MCTP1: variants seen among roughly 807,000 people sequenced by gnomAD.
The protein encoded by MCTP1 is multiple C2 and transmembrane domain containing 1, also known as multiple C2 and transmembrane domain-containing protein 1.
Under a neutral mutation model 120.6 loss-of-function variants are expected in MCTP1, and 69 were observed. The ratio of observed to expected loss-of-function variants is 0.57; its 90% CI spans 0.47 to 0.70. The LOEUF (loss-of-function observed/expected upper bound fraction) is 0.70, where lower values mean the gene tolerates loss of function less well. MCTP1 is among the 30% of genes least tolerant of loss of function. MCTP1 has a pLI of 0.00. For synonymous variants in MCTP1, 529 were observed against 493.1 expected (o/e 1.07, Z -0.96); for missense variants, 1,203 against 1,248.8 (o/e 0.96, Z 0.55).
chr5:94,972,156 A>C (rs190364020), intron 2 of MCTP1, among the ~76,000 whole-genome samples: 1 of 152,054 alleles, frequency 6.6e-6, no homozygotes, highest in Non-Finnish European at 1.5e-5. Context: ...CTTGGACTAC[A>C]TTTCAGTCCA....
At chr5:94,737,092 G>A (rs1561548845) in intron 19 of MCTP1, among the ~76,000 whole-genome samples, 1 of 152,138 alleles carries the variant, frequency 6.6e-6, no homozygotes, top group Admixed American at 6.5e-5. Context: ...GGGCTGAAGC[G>A]AACCTCCTGC....
At chr5:95,187,399 GT>G (rs1032978987) in intron 1 of MCTP1, among the ~76,000 whole-genome samples, 3 of 152,020 alleles carry the variant, frequency 2.0e-5, no homozygotes, top group African/African-American at 4.8e-5. Context: ...CTCAAATCAA[GT>G]TTTTTTGTTT....
chr5:95,245,174 A>G (rs565362672), intron 1 of MCTP1, among the ~76,000 whole-genome samples: 1 of 152,204 alleles, frequency 6.6e-6, no homozygotes, highest in African/African-American at 2.4e-5. Flanking sequence ...GGTCACCAAC[A>G]TCAACATCAA....
chr5:94,982,398 C>T (rs72777354), intron 2 of MCTP1, among the ~76,000 whole-genome samples: 16 of 152,126 alleles, frequency 1.1e-4, no homozygotes, highest in Non-Finnish European at 1.5e-4. Context: ...TATGGTGTAT[C>T]GAGCACATAA....
At chr5:94,971,431 CA>C (rs1826845548) in intron 2 of MCTP1, among the ~76,000 whole-genome samples, 1 of 151,964 alleles carries the variant, frequency 6.6e-6, no homozygotes, top group African/African-American at 2.4e-5. Context: ...AAGGTTCTAG[CA>C]AGATAAAGTT....
chr5:95,125,557 C>T (rs1758558078), intron 1 of MCTP1, among the ~76,000 whole-genome samples: 1 of 152,162 alleles, frequency 6.6e-6, no homozygotes. Context: ...TATTCTCCAT[C>T]CCCACACAAA....
At chr5:94,772,370 G>T (rs1247630521) in intron 19 of MCTP1, among the ~76,000 whole-genome samples, 1 of 152,140 alleles carries the variant, frequency 6.6e-6, no homozygotes, top group Non-Finnish European at 1.5e-5. Flanking sequence ...CTTCCTTCTT[G>T]CCATAAAGGT....
intron 1 of MCTP1, among the ~76,000 whole-genome samples, chr5:95,060,940 C>CAAA (rs34418928): frequency 6.2e-4 from 72 of 116,988 alleles, no homozygotes; most frequent in African/African-American, 2.0e-3. Flanking sequence ...TGCCACTCCA[C>CAAA]AAAAAAAAAA....
chr5:94,828,970 C>T (rs1227031015), intron 17 of MCTP1, among the ~76,000 whole-genome samples: 1 of 151,744 alleles, frequency 6.6e-6, no homozygotes, highest in Non-Finnish European at 1.5e-5. Context: ...CTCTGGTGTT[C>T]CAGGAGACAC....
At chr5:95,204,228 G>A (rs903509074) in intron 1 of MCTP1, among the ~76,000 whole-genome samples, 1 of 152,098 alleles carries the variant, frequency 6.6e-6, no homozygotes, top group African/African-American at 2.4e-5. Context: ...AAGAGGAGAG[G>A]ATCAGCTTTA....
At chr5:95,248,016 C>G (rs532040462) in intron 1 of MCTP1, among the ~76,000 whole-genome samples, 3 of 152,068 alleles carry the variant, frequency 2.0e-5, no homozygotes, top group Non-Finnish European at 4.4e-5. Context: ...TTTGATGGAA[C>G]ATATCTCAAA....
intron 2 of MCTP1, among the ~76,000 whole-genome samples, chr5:95,004,863 C>T (rs760031410): frequency 6.6e-6 from 1 of 152,212 alleles, no homozygotes; most frequent in Non-Finnish European, 1.5e-5. Flanking sequence ...GGAGCCCCCA[C>T]ACAGAGTCCC....
intron 17 of MCTP1, among the ~76,000 whole-genome samples, chr5:94,809,000 G>GA (rs1017934853): frequency 2.0e-5 from 3 of 151,780 alleles, no homozygotes; most frequent in Non-Finnish European, 2.9e-5. Context: ...ATGCTTTTTT[G>GA]AAAAACATAG....
intron 1 of MCTP1, among the ~76,000 whole-genome samples, chr5:95,120,835 A>G (rs751141053): frequency 1.2e-4 from 19 of 152,180 alleles, no homozygotes; most frequent in Non-Finnish European, 2.5e-4. Flanking sequence ...TCCTAGCTGG[A>G]GCAGTCAGAC....
intron 1 of MCTP1, among the ~76,000 whole-genome samples, chr5:95,041,162 C>T (rs1842285105): frequency 6.6e-6 from 1 of 151,522 alleles, no homozygotes; most frequent in East Asian, 1.9e-4. Flanking sequence ...AATTGTTTCA[C>T]ACAACAAACC....
chr5:95,050,431 G>A (rs1745591606), intron 1 of MCTP1, among the ~76,000 whole-genome samples: 2 of 152,114 alleles, frequency 1.3e-5, no homozygotes, highest in South Asian at 4.1e-4. Flanking sequence ...ATCTTTATCT[G>A]CCTGGATGGG....
intron 1 of MCTP1, among the ~76,000 whole-genome samples, chr5:95,165,076 T>TG (rs1189864827): frequency 6.6e-6 from 1 of 152,172 alleles, no homozygotes; most frequent in African/African-American, 2.4e-5. Context: ...AGCAGTCACA[T>TG]GGCCCCACCT....
intron 1 of MCTP1, among the ~76,000 whole-genome samples, chr5:95,280,216 G>T (rs1161130922): frequency 6.6e-6 from 1 of 152,128 alleles, no homozygotes; most frequent in Non-Finnish European, 1.5e-5. Flanking sequence ...AGGGCTTACA[G>T]ATATGTTGTA....
At chr5:95,021,743 T>C (rs1018866950) in intron 1 of MCTP1, among the ~76,000 whole-genome samples, 6 of 152,136 alleles carry the variant, frequency 3.9e-5, no homozygotes, top group African/African-American at 1.2e-4. Context: ...TTTTTGACTC[T>C]TATTTTCTAA....
Sources: gnomAD v4.1 joint callset for allele counts (sites outside exome capture counted in the v4.1 genomes callset) on GRCh38, gnomAD v4.1.1 for gene constraint, MANE v1.5 for transcripts, NCBI Gene and HGNC (gene_info 2026-07-23, HGNC 2026-07-21) for gene names.